PPM1B: variants seen among roughly 807,000 people sequenced by gnomAD.
PPM1B encodes the protein protein phosphatase, Mg2+/Mn2+ dependent 1B.
A neutral mutation model predicts 43.0 loss-of-function variants in PPM1B; 22 were observed. That is an observed-to-expected ratio of 0.51 (90% CI 0.37 to 0.73). PPM1B has a LOEUF of 0.73. PPM1B is among the 30% of genes least tolerant of loss of function. PPM1B has a pLI of 0.00. For synonymous variants in PPM1B, 217 were observed against 197.9 expected, an observed-to-expected ratio of 1.10 and a Z score of -0.81; for missense variants, 632 against 584.2, an observed-to-expected ratio of 1.08 and a Z score of -0.84.
chr2:44,207,364 C>T (rs529024890), intron 2 of PPM1B, among the ~76,000 whole-genome samples: 1 of 152,074 alleles, frequency 6.6e-6, no homozygotes, highest in Non-Finnish European at 1.5e-5. Flanking sequence ...TTGGCAAACA[C>T]TATCAGACAA....
intron 3 of PPM1B, 51 bp from the exon 4 acceptor site, chr2:44,217,916 G>A: frequency 9.1e-7 from 1 of 1,096,748 alleles, no homozygotes; most frequent in South Asian, 2.0e-5. Flanking sequence ...ACTTCTTGGT[G>A]AGTACTGGCT....
chr2:44,229,516 T>A (rs1305858459), intron 5 of PPM1B, among the ~76,000 whole-genome samples: 1 of 152,204 alleles, frequency 6.6e-6, no homozygotes, highest in Non-Finnish European at 1.5e-5. Flanking sequence ...ACGTCCTGCA[T>A]TCTGAATTCA....
At position 44,198,098 on chromosome 2, in the gene PPM1B, C is replaced by T. The variant is rs143861800; in HGVS notation, c.-14-3088C>T. On this transcript the variant is annotated intron_variant, in intron 1 of 5. Transcript: ENST00000282412. ...CATGTGCCCCCTCTAAAAAAGTGTG[C>T]CAAGTGCAGTAAGGAGGAGAATTTT... is the stretch of plus-strand genomic sequence containing the variant. Among the ~76,000 whole-genome samples, 774 of 152,218 alleles carry T rather than the reference C, an allele frequency of 5.1e-3. 3 individuals are homozygous for T. The highest frequency in any genetic ancestry group is 8.2e-3 in the Non-Finnish European group (558 of 68,002).
intron 3 of PPM1B, among the ~76,000 whole-genome samples, chr2:44,216,836 A>C (rs1239805865): frequency 6.7e-6 from 1 of 148,312 alleles, no homozygotes; most frequent in Non-Finnish European, 1.5e-5. Flanking sequence ...GAGGCAGGAG[A>C]ATCGCTTGAA....
intron 2 of PPM1B, among the ~76,000 whole-genome samples, chr2:44,205,383 G>A (rs1049310162): frequency 6.6e-5 from 10 of 151,360 alleles, no homozygotes; most frequent in Non-Finnish European, 1.5e-4. Context: ...GTGTGTGTAA[G>A]TGTCTGTCTG....
intron 5 of PPM1B, among the ~76,000 whole-genome samples, chr2:44,240,039 C>G (rs554181228): frequency 8.7e-6 from 1 of 114,288 alleles, no homozygotes; most frequent in Admixed American, 8.3e-5. Context: ...AAGACAAGGT[C>G]TCACTCTGTT....
intron 3 of PPM1B, among the ~76,000 whole-genome samples, chr2:44,209,995 C>A (rs917746238): frequency 2.0e-5 from 3 of 152,064 alleles, no homozygotes; most frequent in African/African-American, 7.2e-5. Context: ...CTTTTTCTTT[C>A]CCTGCGTACA....
chr2:44,211,315 T>C (rs888886736), intron 3 of PPM1B, among the ~76,000 whole-genome samples: 3 of 152,150 alleles, frequency 2.0e-5, no homozygotes, highest in Non-Finnish European at 4.4e-5. Context: ...AAAAGTTCCA[T>C]AGTCTTTTTT....
At chr2:44,200,203 G>C (rs1183506381) in intron 1 of PPM1B, among the ~76,000 whole-genome samples, 1 of 152,178 alleles carries the variant, frequency 6.6e-6, no homozygotes, top group Admixed American at 6.5e-5. Flanking sequence ...GCCCTATGAG[G>C]TATAGGTACA....
rs907469799 is a variant in PPM1B at position 44,181,524 on chromosome 2, A to G, written c.-15+12250A>G. On this transcript the variant is annotated intron_variant, in intron 1 of 5. Coordinates refer to ENST00000282412, the MANE Select transcript of PPM1B (RefSeq NM_002706.6). ...GGGAGATCCACTAGGAAGAAGTTAG[A>G]TAATCAATGCATTATGTGATGATGC... Among the ~76,000 whole-genome samples the G allele has an allele frequency of 2.0e-5, 3 of 152,244 alleles. No individual in the cohort carries two copies. The East Asian group carries it at 5.8e-4, about 29-fold the overall frequency.
At chr2:44,183,500 A>G (rs1023353931) in intron 1 of PPM1B, among the ~76,000 whole-genome samples, 3 of 152,322 alleles carry the variant, frequency 2.0e-5, no homozygotes, top group Admixed American at 6.5e-5. Flanking sequence ...AGGTTTACAT[A>G]AGTTGTTAGG....
intron 1 of PPM1B, among the ~76,000 whole-genome samples, chr2:44,183,989 C>G (rs902659267): frequency 6.6e-6 from 1 of 152,190 alleles, no homozygotes; most frequent in East Asian, 1.9e-4. Flanking sequence ...CCGCCCGCCT[C>G]GGCCTCCCAA....
chr2:44,245,088 A>G (rs1050182389), downstream of PPM1B, among the ~76,000 whole-genome samples: 1 of 151,932 alleles, frequency 6.6e-6, no homozygotes, highest in African/African-American at 2.4e-5. Flanking sequence ...AATAAACTAC[A>G]TTTTCTAGGC....
downstream of PPM1B, chr2:44,232,441 G>C: frequency 6.4e-7 from 1 of 1,570,618 alleles, no homozygotes; most frequent in East Asian, 2.3e-5. Flanking sequence ...ATATTCTTGC[G>C]GATTCCCAAC....
Position 44,218,895 on chromosome 2 carries a change from C to T in PPM1B, c.1134+358C>T, listed in dbSNP as rs772728667. 6.4e-6 allele frequency: 3 copies of T among 465,504 alleles called. No individual in the cohort carries two copies. The East Asian group carries it at 1.9e-4, about 29-fold the overall frequency. 28.8% of individuals were successfully genotyped at this position (465,504 alleles called of 1,614,324 possible). A position where few individuals can be genotyped will look rare whatever the true frequency, so the allele number is the denominator to read the frequency against. The stretch of plus-strand genomic sequence containing the variant: ...CAATTTCTCCTCCAGCAGGCTGCTG[C>T]CATCACCAGAAGTTAGTGATAGTGA... On this transcript the variant is annotated intron_variant, in intron 5 of 5. Transcript: ENST00000282412.
At chr2:44,182,024 G>A (rs1363579072) in intron 1 of PPM1B, among the ~76,000 whole-genome samples, 1 of 152,112 alleles carries the variant, frequency 6.6e-6, no homozygotes, top group Non-Finnish European at 1.5e-5. Context: ...TTCCAGAATC[G>A]AGGCGTTACC....
At chr2:44,238,947 A>G (rs79900654), downstream of PPM1B, among the ~76,000 whole-genome samples, 1 of 152,132 alleles carries the variant, frequency 6.6e-6, no homozygotes, top group East Asian at 1.9e-4. Context: ...AAATTATTTC[A>G]CTAAAAATCC....
chr2:44,239,757 T>C (rs1317913217), intron 5 of PPM1B, among the ~76,000 whole-genome samples: 1 of 152,190 alleles, frequency 6.6e-6, no homozygotes, highest in Non-Finnish European at 1.5e-5. Context: ...ACATAGTATG[T>C]GAACTAAGGA....
In PPM1B at chr2:44,189,424, G is replaced by A. The variant is rs892512013; in HGVS notation, c.-14-11762G>A. On this transcript the variant is annotated intron_variant, in intron 1 of 5. Coordinates refer to ENST00000282412, the MANE Select transcript of PPM1B (RefSeq NM_002706.6). Reference sequence around the variant, plus strand: ...TCTCAAACTGTCTAGGATTCCCTCCGCAGTTCTAACTTGCTAAGCTGCTGG... The same window carrying A: ...TCTCAAACTGTCTAGGATTCCCTCCACAGTTCTAACTTGCTAAGCTGCTGG... Among the ~76,000 whole-genome samples, 7 of 151,932 alleles carry A rather than the reference G, an allele frequency of 4.6e-5. No homozygotes were observed. The East Asian group carries it at 1.3e-3, about 29-fold the overall frequency.
Sources: allele counts gnomAD v4.1 joint callset (sites outside exome capture counted in the v4.1 genomes callset), GRCh38; gene constraint gnomAD v4.1.1; transcripts MANE v1.5; gene names NCBI Gene and HGNC (gene_info 2026-07-23, HGNC 2026-07-21).